The following PLK4 variants were observed in gnomAD, a reference collection of about 807,000 sequenced individuals.
The protein encoded by PLK4 is polo like kinase 4, also known as serine/threonine-protein kinase PLK4.
Under a neutral mutation model 103.0 loss-of-function variants are expected in PLK4, and 51 were observed. That is an observed-to-expected ratio of 0.50 (90% CI 0.40 to 0.63). The LOEUF (loss-of-function observed/expected upper bound fraction) is 0.63. PLK4 is among the 20% of genes least tolerant of loss of function. The probability of loss-of-function intolerance (pLI) is 0.00; values close to 1 mark genes in which losing one functional copy is unlikely to be tolerated. For synonymous variants in PLK4, 389 were observed against 376.8 expected (o/e 1.03, Z -0.38); for missense variants, 1,054 against 1,151.0 (o/e 0.92, Z 1.22).
chr4:127,895,354 A>G (rs1735521305), intron 14 of PLK4, among the ~76,000 whole-genome samples: 1 of 150,448 alleles, frequency 6.6e-6, no homozygotes, highest in Non-Finnish European at 1.5e-5. Flanking sequence ...TTTAAAGTAG[A>G]GGTCATGATA....
At position 127,893,877 on chromosome 4, in the gene PLK4, C is replaced by T; in HGVS notation, c.2558C>T (p.Pro853Leu). The T allele has an allele frequency of 2.1e-6, 3 of 1,457,696 alleles. No individual in the cohort carries two copies. Among genetic ancestry groups the T allele is most frequent in the Non-Finnish European group, 2.9e-6 (3 of 1,039,482 alleles). The allele number at this position is 1,457,696 out of a possible 1,614,324, so 90.3% of individuals were successfully genotyped here. ...CCAACACAGGCACCAATCCTTAATC[C>T]CTCTGTAAGTAAATATATGTCACTT... is the stretch of plus-strand genomic sequence containing the variant. ...ASPTQAPILN[P>L]SMVTNEGLGL... Residue 853 changes from proline to leucine, a missense_variant, in exon 13 of 16, where the codon CCC becomes CTC. This residue lies in a region of PLK4 where 167 missense variants were observed against 200.7 expected (regional missense o/e 0.83). Transcript: ENST00000270861.
At chr4:127,894,590 A>T (rs111372661) in intron 13 of PLK4, among the ~76,000 whole-genome samples, 5 of 152,264 alleles carry the variant, frequency 3.3e-5, no homozygotes, top group African/African-American at 1.2e-4. Flanking sequence ...TAGACTCATG[A>T]TTAAATTTAT....
In PLK4 at chr4:127,880,933, CA is replaced by C; in HGVS notation, c.-198del. ...CGGACGGCAAGCGGCGGGAGATTTT[CA>C]AAATGGGAGCCCAGAGGCACCGCCC... On this transcript the variant is annotated 5_prime_UTR_variant, in exon 1 of 16. The change creates a new upstream start codon in the 5' untranslated region. Coordinates refer to ENST00000270861, the MANE Select transcript of PLK4 (RefSeq NM_014264.5). The C allele has an allele frequency of 1.7e-6, 1 of 600,778 alleles. No homozygotes were observed. The highest frequency in any genetic ancestry group is 2.9e-6 in the Non-Finnish European group (1 of 340,686). The allele number at this position is 600,778 out of a possible 1,614,324, so 37.2% of individuals were successfully genotyped here.
In PLK4 at chr4:127,881,933, ATAAAC is replaced by A. The variant is rs748782005; in HGVS notation, c.126+11_126+15del. 4.8e-6 allele frequency: 7 copies of A among 1,471,048 alleles called. No homozygotes were observed. Among genetic ancestry groups the A allele is most frequent in the African/African-American group, 2.8e-5 (2 of 72,274 alleles). 91.1% of individuals were successfully genotyped at this position (1,471,048 alleles called of 1,614,324 possible). On this transcript the variant is annotated splice_region_variant and intron_variant, in intron 2 of 15. Transcript: ENST00000270861. Reference sequence around the variant, plus strand: ...GGAAGTTGCAATCAAAATGGTAAGAATAAACTAATCAACTTCTCTCCTGTACTTTG... The same window carrying A: ...GGAAGTTGCAATCAAAATGGTAAGAATAATCAACTTCTCTCCTGTACTTTG...
chr4:127,887,653 G>A (rs1461376355), intron 6 of PLK4, among the ~76,000 whole-genome samples, 157 bp downstream of exon 6: 1 of 151,848 alleles, frequency 6.6e-6, no homozygotes, highest in East Asian at 1.9e-4. Context: ...AGGACTGGTG[G>A]ATTGCTTGAG....
In PLK4 at chr4:127,895,162, A is replaced by G. The variant is rs903734980; in HGVS notation, c.2703+69A>G. ...TTTTCATTTTCACACTGATAAGACA[A>G]TTACCAAAAAATACAAATTATTGTA... On this transcript the variant is annotated intron_variant, in intron 14 of 15. Transcript: ENST00000270861. 1.6e-5 allele frequency: 17 copies of G among 1,042,000 alleles called. No homozygotes were observed. The East Asian group carries it at 3.6e-4, about 22-fold the overall frequency. 64.5% of individuals were successfully genotyped at this position (1,042,000 alleles called of 1,614,324 possible).
chr4:127,881,790 C>T (rs377239744), intron 1 of PLK4, 41 bp from the exon 2 acceptor site: 30 of 1,155,694 alleles, frequency 2.6e-5, no homozygotes, highest in Non-Finnish European at 3.4e-5. Context: ...TTCCTTTCTA[C>T]TGTGAGTCAT....
chr4:127,898,579 C>T lies in PLK4; in HGVS notation c.*38C>T. 1.0e-6 allele frequency: 1 copy of T among 980,322 alleles called. No homozygotes were observed. The highest frequency in any genetic ancestry group is 1.4e-5 in the South Asian group (1 of 69,240). The allele number at this position is 980,322 out of a possible 1,614,324, so 60.7% of individuals were successfully genotyped here. ...TCAGACATATAAGTTTAATAAATAA[C>T]TTTTTTGTTGACTTTCAAGTAAAGT... On this transcript the variant is annotated 3_prime_UTR_variant, in exon 16 of 16. Transcript: ENST00000270861.
rs1420451705 is a variant in PLK4 at position 127,881,846 on chromosome 4, A to G, written c.46A>G (p.Asn16Asp). The change falls in exon 2 of 16, where the codon AAT becomes GAT. Residue 16 changes from asparagine (N) to aspartate (D), a missense_variant. Asn to Asp is a conservative substitution (Grantham distance 23). Around this residue, in one of 4 missense-constraint regions of PLK4, gnomAD observed 199 missense variants for 270.1 expected, o/e 0.74. Transcript: ENST00000270861. ...AACTTTTAAGGATTTTAAAGTTGGA[A>G]ATCTGCTTGGTAAAGGATCATTTGC... ...GEKIEDFKVG[N>D]LLGKGSFAGV... 6.2e-7 allele frequency: 1 copy of G among 1,602,140 alleles called. No homozygotes were observed. The highest frequency in any genetic ancestry group is 8.6e-7 in the Non-Finnish European group (1 of 1,169,178).
intron 15 of PLK4, among the ~76,000 whole-genome samples, chr4:127,897,425 A>T (rs1005762171): frequency 1.2e-4 from 18 of 152,244 alleles, no homozygotes; most frequent in Admixed American, 2.6e-4. Flanking sequence ...CAATATGAAA[A>T]ACAAGGAGTT....
chr4:127,883,006 T>A (rs1734986184), intron 2 of PLK4, among the ~76,000 whole-genome samples: 1 of 151,780 alleles, frequency 6.6e-6, no homozygotes, highest in Admixed American at 6.6e-5. Flanking sequence ...TTTTTTTTTC[T>A]TAATAGTTAG....
At position 127,880,929 on chromosome 4, in the gene PLK4, T is replaced by G; in HGVS notation, c.-206T>G. 1.7e-6 allele frequency: 1 copy of G among 587,686 alleles called. No individual in the cohort carries two copies. Among genetic ancestry groups the G allele is most frequent in the Non-Finnish European group, 3.0e-6 (1 of 332,144 alleles). 36.4% of individuals were successfully genotyped at this position (587,686 alleles called of 1,614,324 possible). ...AGCTCGGACGGCAAGCGGCGGGAGA[T>G]TTTCAAAATGGGAGCCCAGAGGCAC... On this transcript the variant is annotated 5_prime_UTR_variant, in exon 1 of 16. Coordinates refer to ENST00000270861, the MANE Select transcript of PLK4 (RefSeq NM_014264.5).
chr4:127,891,290 TA>T (rs1735349161), intron 8 of PLK4, 94 bp downstream of exon 8: 2 of 629,734 alleles, frequency 3.2e-6, no homozygotes, highest in South Asian at 3.0e-5. Flanking sequence ...TAAGTTTTTT[TA>T]AAATCAGTTT....
intron 1 of PLK4, 160 bp downstream of exon 1, chr4:127,881,324 C>T: frequency 6.8e-7 from 1 of 1,476,962 alleles, no homozygotes; most frequent in Non-Finnish European, 9.0e-7. Flanking sequence ...TGTTTAGGGG[C>T]GGAGCGGCCC....
chr4:127,883,739 G>T (rs922678538), intron 4 of PLK4, among the ~76,000 whole-genome samples, 186 bp downstream of exon 4: 1 of 152,044 alleles, frequency 6.6e-6, no homozygotes, highest in Non-Finnish European at 1.5e-5. Context: ...CAATTATTAC[G>T]GTAGTAAAGT....
chr4:127,882,505 A>G (rs1448875790), intron 2 of PLK4, among the ~76,000 whole-genome samples: 1 of 152,190 alleles, frequency 6.6e-6, no homozygotes, highest in Non-Finnish European at 1.5e-5. Context: ...CACGCCTGTA[A>G]TCCCAGCACT....
chr4:127,893,485 T>A (rs1455620643), intron 11 of PLK4, 28 bp from the exon 12 acceptor site: 4 of 1,601,052 alleles, frequency 2.5e-6, no homozygotes, highest in Non-Finnish European at 3.4e-6. Context: ...GGTGAAACAA[T>A]GACAGAAGCA....
chr4:127,881,720 G>C (rs1271648021), intron 1 of PLK4, 111 bp from the exon 2 acceptor site: 1 of 709,124 alleles, frequency 1.4e-6, no homozygotes, highest in Non-Finnish European at 2.5e-6. Flanking sequence ...ATACCCGCTT[G>C]AATTTTGTCA....
chr4:127,887,858 A>G (rs1273039188), intron 6 of PLK4, among the ~76,000 whole-genome samples: 1 of 130,144 alleles, frequency 7.7e-6, no homozygotes, highest in Non-Finnish European at 1.6e-5. Flanking sequence ...TGTGACAGAG[A>G]GAGAGACCCT....
Sources: allele counts gnomAD v4.1 joint callset (sites outside exome capture counted in the v4.1 genomes callset), GRCh38; gene constraint gnomAD v4.1.1; regional missense constraint gnomAD v4.1.1; transcripts MANE v1.5; gene names NCBI Gene and HGNC (gene_info 2026-07-23, HGNC 2026-07-21).